RAB26: variants seen among roughly 807,000 people sequenced by gnomAD.
RAB26 encodes ras-related protein Rab-26.
A neutral mutation model predicts 33.1 loss-of-function variants in RAB26; 39 were observed. The ratio of observed to expected loss-of-function variants is 1.18; its 90% CI spans 0.91 to 1.54. The LOEUF is 1.54. RAB26 is among the 40% of genes most tolerant of loss of function. The pLI is 0.00. For missense variants in RAB26, 468 were observed against 362.9 expected (o/e 1.29, Z -2.35); for synonymous variants, 192 against 151.9 (o/e 1.26, Z -1.94).
rs1487018678 is a variant in RAB26 at position 2,153,163 on chromosome 16, C to T, written c.609C>T (p.Phe203=). The change falls in exon 8 of 9, where the codon TTC becomes TTT. Residue 203 remains phenylalanine, a synonymous_variant. Transcript: ENST00000210187. ...GTTTACAGGAGTATGGACTGCCCTT[C>T]ATGGAGACCAGCGCCAAGACGGGCC... ...EKLAKEYGLP[F]METSAKTGLN... The T allele has an allele frequency of 1.9e-6, 3 of 1,613,852 alleles. No individual in the cohort carries two copies. Among genetic ancestry groups the T allele is most frequent in the Non-Finnish European group, 2.5e-6 (3 of 1,180,028 alleles).
chr16:2,148,940 C>A lies in RAB26; in HGVS notation c.157C>A (p.Leu53Ile). 1 of 1,296,810 alleles carries A rather than the reference C, an allele frequency of 7.7e-7. No homozygotes were observed. The highest frequency in any genetic ancestry group is 2.4e-5 in the South Asian group (1 of 40,844). 80.3% of individuals were successfully genotyped at this position (1,296,810 alleles called of 1,614,324 possible). A position where few individuals can be genotyped will look rare whatever the true frequency, so the allele number is the denominator to read the frequency against. ...GCCCTTGCAGCCCGGCCGGCCCTCG[C>A]TTGGCGGCGGTGTCGACTTCTACGA... ...NGPLQPGRPSLGGGVDFYDVA... is the reference protein window; with the variant it reads ...NGPLQPGRPSIGGGVDFYDVA... Residue 53 changes from leucine to isoleucine, a missense_variant, in exon 1 of 9, where the codon CTT becomes ATT. By Grantham distance (5) the Leu-to-Ile change is conservative. Transcript: ENST00000210187.
At chr16:2,152,427 C>G (rs1474825717) in intron 5 of RAB26, among the ~76,000 whole-genome samples, 1 of 151,778 alleles carries the variant, frequency 6.6e-6, no homozygotes, top group Non-Finnish European at 1.5e-5. Flanking sequence ...ATCCCACCAC[C>G]TTGGGAGGCT....
Position 2,148,633 on chromosome 16 carries a change from C to T in RAB26, c.-151C>T. On this transcript the variant is annotated 5_prime_UTR_variant, in exon 1 of 9. Coordinates refer to ENST00000210187, the MANE Select transcript of RAB26 (RefSeq NM_014353.5). ...GGAGCGGCGGGGGCGGGGCGCGAGCCGGGCGCCCGGGATGATGCCGCCGCC... is the reference window on the plus strand; with the variant it reads ...GGAGCGGCGGGGGCGGGGCGCGAGCTGGGCGCCCGGGATGATGCCGCCGCC... The T allele has an allele frequency of 2.3e-6, 1 of 433,502 alleles. No individual in the cohort carries two copies. Among genetic ancestry groups the T allele is most frequent in the Non-Finnish European group, 3.0e-6 (1 of 333,202 alleles). The allele number at this position is 433,502 out of a possible 1,614,324, so 26.9% of individuals were successfully genotyped here. A position where few individuals can be genotyped will look rare whatever the true frequency, so the allele number is the denominator to read the frequency against.
chr16:2,149,059 T>G, intron 1 of RAB26, 81 bp downstream of exon 1: 3 of 1,224,132 alleles, frequency 2.5e-6, no homozygotes, highest in Non-Finnish European at 3.1e-6. Flanking sequence ...GGACAGGGGG[T>G]GCAGGGCCCG....
rs567161662 is a variant in RAB26, at chr16:2,153,003, T to C, written c.549T>C (p.His183=). The change falls in exon 7 of 9, where the codon CAT becomes CAC. Residue 183 remains histidine (H), a synonymous_variant. Coordinates refer to ENST00000210187, the MANE Select transcript of RAB26 (RefSeq NM_014353.5). The part of the protein sequence containing the change: ...MLLGNKVDSA[H]ERVVKREDGE... ...GCCTGGGCCAGGTGGACTCTGCCCA[T>C]GAGCGTGTGGTGAAGAGGGAGGACG... 23 of 1,594,892 alleles carry C rather than the reference T, an allele frequency of 1.4e-5. No individual in the cohort carries two copies. The highest frequency in any genetic ancestry group is 2.0e-5 in the Non-Finnish European group (23 of 1,167,976).
In RAB26 at chr16:2,153,943, T is replaced by C. The variant is rs1241445378; in HGVS notation, c.*522T>C. 7.2e-6 allele frequency: 3 copies of C among 414,334 alleles called. No individual in the cohort carries two copies. The highest frequency in any genetic ancestry group is 1.4e-4 in the East Asian group (2 of 13,842). The allele number at this position is 414,334 out of a possible 1,614,324, so 25.7% of individuals were successfully genotyped here. ...CAAACAGCAATAGGGTCTTCCTCAC[T>C]GACCTTGGAGGATGCCTGTGGCCTT... is the stretch of plus-strand genomic sequence containing the variant. On this transcript the variant is annotated 3_prime_UTR_variant, in exon 9 of 9. Transcript: ENST00000210187.
rs2092995035 is a variant in RAB26 at position 2,148,845 on chromosome 16, C to G, written c.62C>G (p.Pro21Arg). 4 of 1,414,870 alleles carry G rather than the reference C, an allele frequency of 2.8e-6. No individual in the cohort carries two copies. Among genetic ancestry groups the G allele is most frequent in the Non-Finnish European group, 3.7e-6 (4 of 1,083,696 alleles). The allele number at this position is 1,414,870 out of a possible 1,614,324, so 87.6% of individuals were successfully genotyped here. The change falls in exon 1 of 9, where the codon CCC becomes CGC. Residue 21 changes from proline to arginine, a missense_variant. By Grantham distance (103) the Pro-to-Arg change is moderately radical (BLOSUM62 -2). Transcript: ENST00000210187. ...GASTPAASTL[P>R]TANGARPARS... is the part of the protein sequence containing the mutation. ...AGCACCCCCGCTGCCTCCACGCTGC[C>G]CACCGCCAACGGGGCCCGACCGGCG...
In RAB26 at chr16:2,151,902, C is replaced by T. The variant is rs753423893; in HGVS notation, c.462C>T (p.Asn154=). The stretch of plus-strand genomic sequence containing the variant: ...TCACCAACAAGGCCTCCTTTGACAA[C>T]ATCCAGGTCAGTGGCTTTCCTGGTG... The part of the protein sequence containing the change: ...YDVTNKASFD[N]IQAWLTEIHE... Residue 154 remains asparagine, a synonymous_variant, in exon 5 of 9, where the codon AAC becomes AAT. Transcript: ENST00000210187. 6.2e-7 allele frequency: 1 copy of T among 1,614,164 alleles called. No homozygotes were observed. Among genetic ancestry groups the T allele is most frequent in the Non-Finnish European group, 8.5e-7 (1 of 1,180,038 alleles).
chr16:2,149,042 G>C lies in RAB26; in HGVS notation c.195+64G>C, dbSNP rs1332188224. ...TGGCGCCCGGCCTGAGCCAAGGGTT[G>C]GGGGTCGGACAGGGGGTGCAGGGCC... On this transcript the variant is annotated intron_variant, in intron 1 of 8. Transcript: ENST00000210187. The C allele has an allele frequency of 3.2e-6, 4 of 1,250,712 alleles. No homozygotes were observed. The African/African-American group carries it at 6.2e-5, about 19-fold the overall frequency. 77.5% of individuals were successfully genotyped at this position (1,250,712 alleles called of 1,614,324 possible). A position where few individuals can be genotyped will look rare whatever the true frequency, so the allele number is the denominator to read the frequency against.
rs1054134307 is a variant in RAB26, at chr16:2,148,866, C to G, written c.83C>G (p.Pro28Arg). 4.3e-6 allele frequency: 6 copies of G among 1,402,928 alleles called. No individual in the cohort carries two copies. The allele number at this position is 1,402,928 out of a possible 1,614,324, so 86.9% of individuals were successfully genotyped here. ...STLPTANGAR[P>R]ARSGTALSGP... ...CTGCCCACCGCCAACGGGGCCCGAC[C>G]GGCGCGCTCCGGGACTGCGCTTTCC... is the stretch of plus-strand genomic sequence containing the variant. The change falls in exon 1 of 9, where the codon CCG (proline) becomes CGG (arginine). Residue 28 changes from proline to arginine, a missense_variant. Physicochemically the swap from Pro to Arg is moderately radical, Grantham distance 103. Transcript: ENST00000210187.
At chr16:2,149,455 G>T (rs1012907616) in intron 1 of RAB26, among the ~76,000 whole-genome samples, 3 of 152,012 alleles carry the variant, frequency 2.0e-5, no homozygotes, top group African/African-American at 4.8e-5. Flanking sequence ...CGGGGAGAAG[G>T]CCTGACTGCT....
At chr16:2,153,100 G>C in intron 7 of RAB26, 46 bp from the exon 8 acceptor site, 1 of 1,613,298 alleles carries the variant, frequency 6.2e-7, no homozygotes, top group East Asian at 2.2e-5. Flanking sequence ...GCGAGCCTAG[G>C]CTGTCCCCGC....
chr16:2,149,457 C>G (rs1023997949), intron 1 of RAB26, among the ~76,000 whole-genome samples: 1 of 152,068 alleles, frequency 6.6e-6, no homozygotes, highest in Admixed American at 6.5e-5. Flanking sequence ...GGGAGAAGGC[C>G]TGACTGCTGC....
At position 2,153,223 on chromosome 16, in the gene RAB26, G is replaced by GTA; in HGVS notation, c.668+2_668+3dup. The GTA allele has an allele frequency of 6.2e-7, 1 of 1,613,796 alleles. No individual in the cohort carries two copies. The highest frequency in any genetic ancestry group is 8.5e-7 in the Non-Finnish European group (1 of 1,180,010). On this transcript the variant is annotated splice_donor_variant, in intron 8 of 8. Coordinates refer to ENST00000210187, the MANE Select transcript of RAB26 (RefSeq NM_014353.5). LOFTEE classifies it high-confidence loss of function. ...ACTTGGCCTTCACAGCCATAGCAAAGTAAGTCCTGCCAGTCACCAGGACTC... is the reference window on the plus strand; with the variant it reads ...ACTTGGCCTTCACAGCCATAGCAAAGTATAAGTCCTGCCAGTCACCAGGACTC...
rs1567240861 is a variant in RAB26 at position 2,153,368 on chromosome 16, CT to C, written c.719del (p.Leu240ArgfsTer21). 6.2e-7 allele frequency: 1 copy of C among 1,613,552 alleles called. No individual in the cohort carries two copies. The highest frequency in any genetic ancestry group is 1.7e-5 in the Admixed American group (1 of 60,038). On this transcript the variant is annotated frameshift_variant, in exon 9 of 9. Transcript: ENST00000210187. LOFTEE classifies it high-confidence loss of function. Reference sequence around the variant, plus strand: ...GGCTCCCAGCGAGCCGCGCTTCCGGCTGCATGATTACGTTAAGAGGGAGGGT... The same window carrying C: ...GGCTCCCAGCGAGCCGCGCTTCCGGCGCATGATTACGTTAAGAGGGAGGGT... ...MKAPSEPRFR[L>X]HDYVKREGRG...
In RAB26 at chr16:2,148,823, A is replaced by T; in HGVS notation, c.40A>T (p.Thr14Ser). ...GACCCCCAAGAGCAAAGGGGCCAGC[A>T]CCCCCGCTGCCTCCACGCTGCCCAC... Reference protein sequence around the residue: ...KKTPKSKGASTPAASTLPTAN... With the variant: ...KKTPKSKGASSPAASTLPTAN... The change falls in exon 1 of 9, where the codon ACC (threonine) becomes TCC (serine). Residue 14 changes from threonine (T) to serine (S), a missense_variant. Physicochemically the swap from Thr to Ser is moderately conservative, Grantham distance 58. Transcript: ENST00000210187. 1 of 1,409,662 alleles carries T rather than the reference A, an allele frequency of 7.1e-7. No homozygotes were observed. The allele number at this position is 1,409,662 out of a possible 1,614,324, so 87.3% of individuals were successfully genotyped here.
chr16:2,151,432 T>C (rs1462717541), intron 2 of RAB26, 137 bp from the exon 3 acceptor site: 3 of 1,199,156 alleles, frequency 2.5e-6, no homozygotes, highest in Non-Finnish European at 3.7e-6. Flanking sequence ...GAGGTCAAAT[T>C]GGCTTAAGGG....
intron 3 of RAB26, 40 bp from the exon 4 acceptor site, chr16:2,151,655 G>A (rs1218877024): frequency 1.9e-6 from 3 of 1,614,076 alleles, no homozygotes; most frequent in Non-Finnish European, 2.5e-6. Flanking sequence ...GGGGACACCA[G>A]GGAAGGGCTG....
chr16:2,151,878 C>T lies in RAB26; in HGVS notation c.438C>T (p.Val146=), dbSNP rs2093006206. The stretch of plus-strand genomic sequence containing the variant: ...CAGCTCTGCTGCTGCTCTACGATGT[C>T]ACCAACAAGGCCTCCTTTGACAACA... ...DAHALLLLYD[V]TNKASFDNIQ... Residue 146 remains valine (V), a synonymous_variant, in exon 5 of 9, where the codon GTC becomes GTT. Coordinates refer to ENST00000210187, the MANE Select transcript of RAB26 (RefSeq NM_014353.5). 6.2e-7 allele frequency: 1 copy of T among 1,614,048 alleles called. No individual in the cohort carries two copies. Among genetic ancestry groups the T allele is most frequent in the South Asian group, 1.1e-5 (1 of 91,092 alleles).
Sources: gnomAD v4.1 joint callset for allele counts (sites outside exome capture counted in the v4.1 genomes callset) on GRCh38, gnomAD v4.1.1 for gene constraint, MANE v1.5 for transcripts, NCBI Gene and HGNC (gene_info 2026-07-23, HGNC 2026-07-21) for gene names.